RBFOX1: variants seen among roughly 807,000 people sequenced by gnomAD.
RBFOX1 encodes the protein RNA binding fox-1 homolog 1.
A neutral mutation model predicts 57.7 loss-of-function variants in RBFOX1; 8 were observed. The observed-to-expected ratio is 0.14, with a 90% CI of 0.08 to 0.25. The LOEUF is 0.25. RBFOX1 is among the 10% of genes least tolerant of loss of function. The probability of loss-of-function intolerance (pLI) is 1.00; values close to 1 mark genes in which losing one functional copy is unlikely to be tolerated. For synonymous variants in RBFOX1, 326 were observed against 222.4 expected (o/e 1.47, Z -4.15); for missense variants, 611 against 548.5 (o/e 1.11, Z -1.14).
At chr16:6,238,005 G>C (rs62015127) in intron 1 of RBFOX1, among the ~76,000 whole-genome samples, 29,391 of 148,552 alleles carry the variant, frequency 0.2, 3,549 homozygotes, top group African/African-American at 0.35. Flanking sequence ...GCAGGAGAAT[G>C]ACTTGAACCT....
At chr16:5,606,759 T>C (rs2047596001) in intron 3 of RBFOX1, among the ~76,000 whole-genome samples, 1 of 152,090 alleles carries the variant, frequency 6.6e-6, no homozygotes, top group Non-Finnish European at 1.5e-5. Flanking sequence ...AGGTGATACA[T>C]AGAGTCTTGA....
At chr16:6,785,372 T>C (rs2081772901) in intron 3 of RBFOX1, among the ~76,000 whole-genome samples, 1 of 152,160 alleles carries the variant, frequency 6.6e-6, no homozygotes, top group South Asian at 2.1e-4. Flanking sequence ...ATAGAGCTTT[T>C]AGGGAGTGGA....
At chr16:7,402,960 G>C (rs2098269667) in intron 4 of RBFOX1, among the ~76,000 whole-genome samples, 1 of 152,120 alleles carries the variant, frequency 6.6e-6, no homozygotes, top group African/African-American at 2.4e-5. Context: ...CAGAAAATTT[G>C]CAGTTTCTCC....
intron 4 of RBFOX1, among the ~76,000 whole-genome samples, chr16:7,285,075 C>CT (rs58959488): frequency 0.098 from 4,181 of 42,638 alleles, 1,276 homozygotes; most frequent in Non-Finnish European, 0.16. Flanking sequence ...AGATTCCTTA[C>CT]TTTTTTTTTT....
At chr16:7,190,383 A>C (rs1285734562) in intron 4 of RBFOX1, among the ~76,000 whole-genome samples, 1 of 152,104 alleles carries the variant, frequency 6.6e-6, no homozygotes, top group Non-Finnish European at 1.5e-5. Context: ...AATAATATAA[A>C]ATAAAAAATA....
chr16:6,602,330 C>T (rs1228052132), intron 2 of RBFOX1, among the ~76,000 whole-genome samples: 2 of 152,094 alleles, frequency 1.3e-5, no homozygotes, highest in African/African-American at 2.4e-5. Context: ...CTGAAAAAGT[C>T]CGACGTATTC....
intron 9 of RBFOX1, among the ~76,000 whole-genome samples, chr16:7,604,246 C>T (rs1480321334): frequency 1.3e-5 from 2 of 152,054 alleles, no homozygotes; most frequent in African/African-American, 4.8e-5. Flanking sequence ...GTTTTCATTC[C>T]CATCGCAGAG....
chr16:5,654,663 G>T (rs1043179681), intron 3 of RBFOX1, among the ~76,000 whole-genome samples: 1 of 152,098 alleles, frequency 6.6e-6, no homozygotes, highest in Admixed American at 6.5e-5. Flanking sequence ...TCACAACCTG[G>T]CATGACAGTC....
At chr16:5,545,395 C>T (rs2045152460) in intron 2 of RBFOX1, among the ~76,000 whole-genome samples, 1 of 151,936 alleles carries the variant, frequency 6.6e-6, no homozygotes, top group South Asian at 2.1e-4. Context: ...CAAAACCTGA[C>T]AGAGAAATTA....
chr16:6,013,364 C>T (rs1437882142), intron 4 of RBFOX1, among the ~76,000 whole-genome samples: 2 of 152,218 alleles, frequency 1.3e-5, no homozygotes, highest in East Asian at 3.9e-4. Context: ...ATATTTGTTT[C>T]CAAAGTGTTC....
chr16:6,935,167 A>G (rs1384069972), intron 3 of RBFOX1, among the ~76,000 whole-genome samples: 1 of 152,190 alleles, frequency 6.6e-6, no homozygotes, highest in Non-Finnish European at 1.5e-5. Context: ...ATCTGGCCTA[A>G]TTTTCCCATC....
intron 1 of RBFOX1, among the ~76,000 whole-genome samples, chr16:5,461,418 G>C (rs1393626009): frequency 6.6e-6 from 1 of 151,924 alleles, no homozygotes; most frequent in Non-Finnish European, 1.5e-5. Context: ...AAACCAGCAG[G>C]CTGGCAGGGA....
chr16:6,618,077 T>G (rs917097851), intron 2 of RBFOX1, among the ~76,000 whole-genome samples: 1 of 152,186 alleles, frequency 6.6e-6, no homozygotes, highest in Non-Finnish European at 1.5e-5. Context: ...TTGTTTCTGC[T>G]GCTCTAGGCG....
At chr16:7,217,855 G>A (rs963131262) in intron 4 of RBFOX1, among the ~76,000 whole-genome samples, 3 of 151,966 alleles carry the variant, frequency 2.0e-5, no homozygotes, top group Admixed American at 2.0e-4. Context: ...CATGTGTGTG[G>A]GCATGTGTGT....
intron 3 of RBFOX1, among the ~76,000 whole-genome samples, chr16:6,925,588 A>G (rs180718411): frequency 4.6e-5 from 7 of 152,080 alleles, no homozygotes; most frequent in Admixed American, 3.9e-4. Flanking sequence ...AGTTGGTGGC[A>G]TAGAGGAGGC....
At chr16:6,826,071 C>A (rs1023558198) in intron 3 of RBFOX1, among the ~76,000 whole-genome samples, 2 of 152,132 alleles carry the variant, frequency 1.3e-5, no homozygotes, top group Non-Finnish European at 2.9e-5. Context: ...AGGTCCCCCA[C>A]GTTCATTGCC....
At chr16:6,500,468 G>C (rs1287340674) in intron 2 of RBFOX1, among the ~76,000 whole-genome samples, 2 of 152,078 alleles carry the variant, frequency 1.3e-5, no homozygotes, top group East Asian at 1.9e-4. Flanking sequence ...CCAACACCTA[G>C]TACTTGGCCA....
chr16:6,579,130 C>T (rs977219552), intron 2 of RBFOX1, among the ~76,000 whole-genome samples: 2 of 152,076 alleles, frequency 1.3e-5, no homozygotes, highest in African/African-American at 4.8e-5. Context: ...TTTGGTTCTA[C>T]CTAGAGAAAT....
At chr16:7,704,966 C>T (rs1355196346) in intron 14 of RBFOX1, among the ~76,000 whole-genome samples, 1 of 150,458 alleles carries the variant, frequency 6.6e-6, no homozygotes, top group African/African-American at 2.4e-5. Context: ...ATCGCTTGAA[C>T]CCAGAAGGCA....
Sources: gnomAD v4.1 joint callset for allele counts (sites outside exome capture counted in the v4.1 genomes callset) on GRCh38, gnomAD v4.1.1 for gene constraint, MANE v1.5 for transcripts, NCBI Gene and HGNC (gene_info 2026-07-23, HGNC 2026-07-21) for gene names.